Variants in LATS1 observed in about 807,000 individuals in gnomAD.
The protein encoded by LATS1 is serine/threonine-protein kinase LATS1.
Under a neutral mutation model 106.6 loss-of-function variants are expected in LATS1, and 25 were observed. The observed-to-expected ratio is 0.23, with a 90% CI of 0.17 to 0.33. The LOEUF is 0.33. Among genes scored for constraint, LATS1 ranks in the 10% least tolerant of loss-of-function variants. The probability of loss-of-function intolerance (pLI) is 1.00; values close to 1 mark genes in which losing one functional copy is unlikely to be tolerated. For missense variants in LATS1, 1,040 were observed against 1,382.6 expected (o/e 0.75, Z 3.93); for synonymous variants, 465 against 455.6 (o/e 1.02, Z -0.26).
In LATS1 at chr6:149,695,066, T is replaced by A. The variant is rs1355287082; in HGVS notation, c.496+8A>T. 1 of 1,573,700 alleles carries A rather than the reference T, an allele frequency of 6.4e-7. No individual in the cohort carries two copies. Among genetic ancestry groups the A allele is most frequent in the Middle Eastern group, 1.7e-4 (1 of 5,868 alleles). ...AGAGATGAGAAAATAAAATATTTGA[T>A]TAATCACCTGGTTTCATGCTGGCAT... On this transcript the variant is annotated splice_region_variant and intron_variant, in intron 3 of 7. Transcript: ENST00000543571.
chr6:149,697,092 T>G (rs751630548), intron 2 of LATS1: 1 of 1,289,122 alleles, frequency 7.8e-7, no homozygotes. Context: ...AACTACTTAC[T>G]TGTCCTAGAG....
intron 7 of LATS1, among the ~76,000 whole-genome samples, chr6:149,671,269 G>A (rs918301684): frequency 6.6e-6 from 1 of 151,822 alleles, no homozygotes; most frequent in African/African-American, 2.4e-5. Context: ...AAGTAGCTGG[G>A]ATTACAGGCA....
intron 5 of LATS1, among the ~76,000 whole-genome samples, chr6:149,678,384 T>G (rs1331231960): frequency 6.6e-6 from 1 of 151,900 alleles, no homozygotes; most frequent in African/African-American, 2.4e-5. Context: ...ACAAAAAGAT[T>G]TCTATGCCCC....
chr6:149,697,128 T>A (rs999189709), intron 2 of LATS1: 1 of 1,347,542 alleles, frequency 7.4e-7, no homozygotes, highest in Non-Finnish European at 9.8e-7. Context: ...ACGACATTTT[T>A]AAATGAGAAA....
In LATS1 at chr6:149,683,765, G is replaced by A; in HGVS notation, c.1324C>T (p.Gln442Ter). The change falls in exon 4 of 8, where the codon CAG becomes TAG. Residue 442 changes from glutamine (Q) to a stop codon, truncating the protein, a stop_gained. Coordinates refer to ENST00000543571, the MANE Select transcript of LATS1 (RefSeq NM_004690.4). LOFTEE classifies it high-confidence loss of function. Reference sequence around the variant, plus strand: ...TCATGCCCACTGCTCGGGGATGACTGGGCTGGAGCAGAAGATGACTGAGGC... The same window carrying A: ...TCATGCCCACTGCTCGGGGATGACTAGGCTGGAGCAGAAGATGACTGAGGC... ...NWPQSSSAPA[Q>*]SSPSSGHEIP... 1 of 1,613,774 alleles carries A rather than the reference G, an allele frequency of 6.2e-7. No individual in the cohort carries two copies. Among genetic ancestry groups the A allele is most frequent in the Non-Finnish European group, 8.5e-7 (1 of 1,180,004 alleles).
chr6:149,687,918 G>A (rs1782496574), intron 3 of LATS1, among the ~76,000 whole-genome samples: 1 of 144,970 alleles, frequency 6.9e-6, no homozygotes, highest in South Asian at 2.2e-4. Flanking sequence ...CTGTCGCCCA[G>A]GCTGGGAGTG....
At chr6:149,702,581 A>T (rs1187853813) in intron 1 of LATS1, among the ~76,000 whole-genome samples, 2 of 152,196 alleles carry the variant, frequency 1.3e-5, no homozygotes, top group Non-Finnish European at 2.9e-5. Flanking sequence ...TCTTATTAAC[A>T]ACTTCACCTA....
In LATS1 at chr6:149,682,110, CAA is replaced by C. The variant is rs371480554; in HGVS notation, c.2010+967_2010+968del. Among the ~76,000 whole-genome samples, 8 of 121,036 alleles carry C rather than the reference CAA, an allele frequency of 6.6e-5. No individual in the cohort carries two copies. The East Asian group carries it at 8.8e-4, about 13-fold the overall frequency. 79.4% of individuals were successfully genotyped at this position (121,036 alleles called of 152,430 possible). ...CTGGCGACAGAGTGAGATGTCGTCTCAAAAAAAAAAAAAAATGATGATCGTAC... is the reference window on the plus strand; with the variant it reads ...CTGGCGACAGAGTGAGATGTCGTCTCAAAAAAAAAAAAATGATGATCGTAC... On this transcript the variant is annotated intron_variant, in intron 4 of 7. Coordinates refer to ENST00000543571, the MANE Select transcript of LATS1 (RefSeq NM_004690.4).
chr6:149,707,043 T>C (rs1481023794), intron 1 of LATS1, among the ~76,000 whole-genome samples: 1 of 127,944 alleles, frequency 7.8e-6, no homozygotes, highest in Non-Finnish European at 1.6e-5. Flanking sequence ...GAAGATGGAG[T>C]CTCGCTCTGT....
At chr6:149,674,976 C>G (rs536091196) in intron 7 of LATS1, among the ~76,000 whole-genome samples, 1 of 151,574 alleles carries the variant, frequency 6.6e-6, no homozygotes, top group South Asian at 2.1e-4. Context: ...TAAGAATGAT[C>G]AGGAGGCCGA....
At chr6:149,690,472 C>G (rs1782679411) in intron 3 of LATS1, among the ~76,000 whole-genome samples, 1 of 152,042 alleles carries the variant, frequency 6.6e-6, no homozygotes, top group African/African-American at 2.4e-5. Context: ...CCCAGCCTCC[C>G]AAAGTGCTGG....
intron 1 of LATS1, 31 bp downstream of exon 1, chr6:149,717,818 A>T: frequency 3.5e-6 from 1 of 288,154 alleles, no homozygotes; most frequent in South Asian, 2.6e-5. Context: ...GCACTGGAGG[A>T]GCGCACCCGC....
At chr6:149,701,257 T>A (rs1373752236) in intron 2 of LATS1, among the ~76,000 whole-genome samples, 2 of 152,224 alleles carry the variant, frequency 1.3e-5, no homozygotes, top group African/African-American at 4.8e-5. Context: ...TCAAAATGAA[T>A]TCTGAAGAGA....
At chr6:149,706,374 AGT>A (rs1399440104) in intron 1 of LATS1, among the ~76,000 whole-genome samples, 1 of 151,642 alleles carries the variant, frequency 6.6e-6, no homozygotes, top group Non-Finnish European at 1.5e-5. Context: ...TGAGTGTGGC[AGT>A]GTGTGTGACT....
chr6:149,681,143 T>G (rs1406562575), intron 4 of LATS1, among the ~76,000 whole-genome samples: 1 of 152,192 alleles, frequency 6.6e-6, no homozygotes, highest in African/African-American at 2.4e-5. Context: ...ATCCTTTGGA[T>G]ACTTAGGAAT....
chr6:149,717,621 C>T (rs1784481302), intron 1 of LATS1: 1 of 156,724 alleles, frequency 6.4e-6, no homozygotes, highest in African/African-American at 2.4e-5. Context: ...GCCGAAAAGC[C>T]TGGGGCTCTT....
intron 1 of LATS1, among the ~76,000 whole-genome samples, chr6:149,713,427 T>A (rs527763604): frequency 6.6e-6 from 1 of 151,642 alleles, no homozygotes; most frequent in Non-Finnish European, 1.5e-5. Flanking sequence ...CCCAAGTAGC[T>A]GGGATTACAG....
chr6:149,689,418 CA>C lies in LATS1; in HGVS notation c.497-4827del, dbSNP rs35702198. ...TGGGCACGGTGGCTCATGCCTGTCT[CA>C]AAAAAAAAAAAAAAATTACCCTTTT... On this transcript the variant is annotated intron_variant, in intron 3 of 7. Coordinates refer to ENST00000543571, the MANE Select transcript of LATS1 (RefSeq NM_004690.4). Among the ~76,000 whole-genome samples, 768 of 132,310 alleles carry C rather than the reference CA, an allele frequency of 5.8e-3. 3 individuals are homozygous for C. The highest frequency in any genetic ancestry group is 0.013 in the African/African-American group (475 of 35,648). The allele number at this position is 132,310 out of a possible 152,430, so 86.8% of individuals were successfully genotyped here.
At chr6:149,707,626 G>A (rs900490409) in intron 1 of LATS1, among the ~76,000 whole-genome samples, 1 of 152,188 alleles carries the variant, frequency 6.6e-6, no homozygotes, top group African/African-American at 2.4e-5. Context: ...AGAAAGGACT[G>A]AGTTCTGGTA....
Sources: allele counts gnomAD v4.1 joint callset (sites outside exome capture counted in the v4.1 genomes callset), GRCh38; gene constraint gnomAD v4.1.1; transcripts MANE v1.5; gene names NCBI Gene and HGNC (gene_info 2026-07-23, HGNC 2026-07-21).